Variants in GPHN observed in about 807,000 individuals in gnomAD.
GPHN encodes gephyrin.
Under a neutral mutation model 95.5 loss-of-function variants are expected in GPHN, and 17 were observed. That is an observed-to-expected ratio of 0.18 (90% confidence interval 0.12 to 0.27). The LOEUF (loss-of-function observed/expected upper bound fraction) is 0.27, where lower values mean the gene tolerates loss of function less well. GPHN is among the 10% of genes least tolerant of loss of function. GPHN has a pLI of 1.00. For missense variants in GPHN, 660 were observed against 978.1 expected (o/e 0.67, Z 4.34); for synonymous variants, 320 against 322.5 (o/e 0.99, Z 0.08).
At chr14:67,647,832 T>A in the GPHN span, 2 of 563,104 alleles carry the variant, frequency 3.6e-6, no homozygotes. Flanking sequence ...GCAGAACAAA[T>A]GGCAGTATCA....
At chr14:67,264,234 G>A in the GPHN span, among the ~76,000 whole-genome samples, 5 of 152,142 alleles carry the variant, frequency 3.3e-5, no homozygotes, top group African/African-American at 7.2e-5. Context: ...TGTCATTGGG[G>A]ATGACAGTGG....
the GPHN span, among the ~76,000 whole-genome samples, chr14:67,543,841 T>C: frequency 1.3e-5 from 2 of 151,780 alleles, no homozygotes; most frequent in South Asian, 2.1e-4. Context: ...AAAATATTCA[T>C]GTAAATGCAG....
the GPHN span, among the ~76,000 whole-genome samples, chr14:67,724,926 A>T: frequency 6.6e-6 from 1 of 152,226 alleles, no homozygotes; most frequent in African/African-American, 2.4e-5. Flanking sequence ...AACTGACAGC[A>T]AGAAGACTGA....
At chr14:67,504,158 C>G in the GPHN span, among the ~76,000 whole-genome samples, 5 of 151,806 alleles carry the variant, frequency 3.3e-5, no homozygotes, top group Non-Finnish European at 7.4e-5. Flanking sequence ...GGATTACAGG[C>G]GCCCACCACC....
At chr14:66,518,166 A>C (rs78825393) in intron 1 of GPHN, among the ~76,000 whole-genome samples, 2,053 of 152,122 alleles carry the variant, frequency 0.013, 14 homozygotes, top group Non-Finnish European at 0.023. Context: ...CAAAAAATGC[A>C]ATCTGATTAA....
chr14:67,126,520 A>T (rs1405549058), intron 17 of GPHN, among the ~76,000 whole-genome samples: 1 of 152,230 alleles, frequency 6.6e-6, no homozygotes, highest in Non-Finnish European at 1.5e-5. Context: ...GTAGAAACAA[A>T]TAGTGTCTAG....
chr14:66,638,855 C>T (rs904577243), intron 1 of GPHN, among the ~76,000 whole-genome samples: 2 of 152,158 alleles, frequency 1.3e-5, no homozygotes, highest in East Asian at 3.9e-4. Context: ...GATCCTCATA[C>T]TGAGTCATCA....
chr14:66,916,345 A>G (rs1191320509), intron 6 of GPHN, among the ~76,000 whole-genome samples: 4 of 152,158 alleles, frequency 2.6e-5, no homozygotes, highest in Non-Finnish European at 4.4e-5. Flanking sequence ...CAGGAATACT[A>G]CCAAACACAG....
At chr14:66,545,483 C>T (rs868370833) in intron 1 of GPHN, among the ~76,000 whole-genome samples, 17 of 129,486 alleles carry the variant, frequency 1.3e-4, no homozygotes, top group Non-Finnish European at 2.2e-4. Context: ...CCTCACCTCC[C>T]GGACGGGGCG....
chr14:67,639,917 CCT>C, the GPHN span, among the ~76,000 whole-genome samples: 11 of 131,914 alleles, frequency 8.3e-5, no homozygotes, highest in East Asian at 4.8e-4. Flanking sequence ...AGCGCAAGAC[CCT>C]GTCTCAAAAA....
rs375633441 is a variant in GPHN at position 66,793,539 on chromosome 14, G to T, written c.201+17018G>T. 6.6e-5 allele frequency among the ~76,000 whole-genome samples: 10 copies of T among 152,212 alleles called. No individual in the cohort carries two copies. The East Asian group carries it at 1.2e-3, about 18-fold the overall frequency. On this transcript the variant is annotated intron_variant, in intron 3 of 22. Transcript: ENST00000478722. ...AAGGTAATAATTATAGCAATCTTTT[G>T]TTGGGTTTTGAGTGTGTGCATATGT... is the stretch of plus-strand genomic sequence containing the variant.
the GPHN span, among the ~76,000 whole-genome samples, chr14:67,216,102 T>G: frequency 6.6e-6 from 1 of 152,198 alleles, no homozygotes; most frequent in African/African-American, 2.4e-5. Flanking sequence ...CCATGGTATC[T>G]TCTATTAACA....
intron 9 of GPHN, among the ~76,000 whole-genome samples, chr14:66,973,526 A>G (rs112033561): frequency 0.03 from 4,639 of 152,312 alleles, 254 homozygotes; most frequent in African/African-American, 0.1. Flanking sequence ...TGGAACGCCA[A>G]GGCGGGTGGA....
chr14:67,656,941 TG>T, the GPHN span, among the ~76,000 whole-genome samples: 1 of 152,224 alleles, frequency 6.6e-6, no homozygotes, highest in Non-Finnish European at 1.5e-5. Flanking sequence ...AGCCCAGATG[TG>T]GGAGCTACCT....
At chr14:66,867,878 G>A (rs1373430301) in intron 4 of GPHN, among the ~76,000 whole-genome samples, 3 of 152,040 alleles carry the variant, frequency 2.0e-5, no homozygotes, top group African/African-American at 7.2e-5. Context: ...TTCAAAGTAT[G>A]GTCTTCTGAC....
intron 1 of GPHN, among the ~76,000 whole-genome samples, chr14:66,574,642 T>C (rs1199367412): frequency 6.6e-6 from 1 of 152,132 alleles, no homozygotes; most frequent in Non-Finnish European, 1.5e-5. Flanking sequence ...TGGTAAAGCA[T>C]TGTTTTGGGG....
chr14:67,646,831 CACT>C, the GPHN span: 5 of 1,397,550 alleles, frequency 3.6e-6, no homozygotes, highest in South Asian at 5.9e-5. Flanking sequence ...TATTGCAGGT[CACT>C]ACAACAAACC....
At chr14:67,225,018 T>C in the GPHN span, 3 of 998,248 alleles carry the variant, frequency 3.0e-6, no homozygotes, top group Non-Finnish European at 4.3e-6. Flanking sequence ...TCTCCTTCTG[T>C]GCCTTTTTTT....
the GPHN span, among the ~76,000 whole-genome samples, chr14:67,246,256 G>A: frequency 6.6e-6 from 1 of 150,966 alleles, no homozygotes; most frequent in Admixed American, 6.6e-5. Context: ...ATCCTCCCAA[G>A]TAGCTGGGAC....
Sources: allele counts gnomAD v4.1 joint callset (sites outside exome capture counted in the v4.1 genomes callset), GRCh38; gene constraint gnomAD v4.1.1; transcripts MANE v1.5; gene names NCBI Gene and HGNC (gene_info 2026-07-23, HGNC 2026-07-21).